The following KCNH8 variants were observed in gnomAD, a reference collection of about 807,000 sequenced individuals.
KCNH8 encodes the protein voltage-gated delayed rectifier potassium channel KCNH8.
A neutral mutation model predicts 103.6 loss-of-function variants in KCNH8; 70 were observed. The observed-to-expected ratio is 0.68, with a 90% confidence interval of 0.56 to 0.82. The LOEUF is 0.82. KCNH8 is among the 40% of genes least tolerant of loss of function. The pLI is 0.00. For missense variants in KCNH8, 1,217 were observed against 1,329.9 expected (o/e 0.92, Z 1.32); for synonymous variants, 498 against 489.4 (o/e 1.02, Z -0.23).
At chr3:19,416,875 C>A (rs2066871822) in intron 7 of KCNH8, among the ~76,000 whole-genome samples, 1 of 152,094 alleles carries the variant, frequency 6.6e-6, no homozygotes, top group South Asian at 2.1e-4. Flanking sequence ...TTCCCATAAG[C>A]TGGTAGGTAA....
At chr3:19,229,995 C>T (rs549817381) in intron 1 of KCNH8, among the ~76,000 whole-genome samples, 4 of 151,290 alleles carry the variant, frequency 2.6e-5, no homozygotes, top group South Asian at 4.1e-4. Flanking sequence ...AACAGTTCCA[C>T]GTAGCTGGGG....
intron 7 of KCNH8, among the ~76,000 whole-genome samples, chr3:19,397,331 C>G (rs2066535099): frequency 6.6e-6 from 1 of 151,724 alleles, no homozygotes; most frequent in South Asian, 2.1e-4. Context: ...GGTTCCATTG[C>G]TAATCAGCTG....
intron 11 of KCNH8, among the ~76,000 whole-genome samples, chr3:19,491,586 C>T (rs989795288): frequency 2.0e-5 from 3 of 152,268 alleles, no homozygotes; most frequent in South Asian, 2.1e-4. Flanking sequence ...ATCCAATCCA[C>T]CACTGACGGT....
chr3:19,212,447 C>T (rs895124674), intron 1 of KCNH8, among the ~76,000 whole-genome samples: 1 of 152,202 alleles, frequency 6.6e-6, no homozygotes, highest in South Asian at 2.1e-4. Flanking sequence ...CTTTGGCCTT[C>T]ACACAGCCAG....
At chr3:19,419,956 C>A (rs1207858460) in intron 7 of KCNH8, among the ~76,000 whole-genome samples, 2 of 152,066 alleles carry the variant, frequency 1.3e-5, no homozygotes, top group African/African-American at 2.4e-5. Flanking sequence ...TGTGTTTAGT[C>A]TCATAGGATA....
chr3:19,170,738 A>G (rs2063337469), intron 1 of KCNH8, among the ~76,000 whole-genome samples: 1 of 144,422 alleles, frequency 6.9e-6, no homozygotes, highest in South Asian at 2.1e-4. Context: ...ACACACACAT[A>G]TATATACACA....
intron 11 of KCNH8, among the ~76,000 whole-genome samples, chr3:19,489,470 G>A (rs967640403): frequency 1.3e-5 from 2 of 152,100 alleles, no homozygotes; most frequent in Admixed American, 1.3e-4. Context: ...TGATCTGGGT[G>A]CCCTGGCTTA....
At chr3:19,268,905 T>A (rs2064550670) in intron 2 of KCNH8, among the ~76,000 whole-genome samples, 1 of 152,114 alleles carries the variant, frequency 6.6e-6, no homozygotes, top group Admixed American at 6.6e-5. Context: ...GCTGCTAGAA[T>A]TGACAAGATT....
intron 3 of KCNH8, among the ~76,000 whole-genome samples, chr3:19,333,723 C>A (rs1334795430): frequency 6.6e-6 from 1 of 152,102 alleles, no homozygotes; most frequent in Non-Finnish European, 1.5e-5. Context: ...AAATTGTAAA[C>A]TTAAGAATGT....
intron 3 of KCNH8, among the ~76,000 whole-genome samples, chr3:19,284,110 A>G (rs2064795068): frequency 6.6e-6 from 1 of 152,114 alleles, no homozygotes; most frequent in Admixed American, 6.6e-5. Context: ...TTAAAATGTC[A>G]CCATGTAACT....
chr3:19,396,826 T>G (rs1321653521), intron 7 of KCNH8, among the ~76,000 whole-genome samples: 4 of 152,038 alleles, frequency 2.6e-5, no homozygotes, highest in Non-Finnish European at 4.4e-5. Flanking sequence ...GTTCAGTAAA[T>G]TACAGCATTA....
At chr3:19,170,712 A>T (rs971247748) in intron 1 of KCNH8, among the ~76,000 whole-genome samples, 1 of 137,996 alleles carries the variant, frequency 7.2e-6, no homozygotes, top group Non-Finnish European at 1.7e-5. Flanking sequence ...ATACACATAT[A>T]TACACACACA....
At chr3:19,334,134 T>C (rs1212774139) in intron 3 of KCNH8, among the ~76,000 whole-genome samples, 3 of 151,412 alleles carry the variant, frequency 2.0e-5, no homozygotes, top group Non-Finnish European at 2.9e-5. Context: ...TGGACCGTCA[T>C]TGAATGCAGG....
intron 1 of KCNH8, among the ~76,000 whole-genome samples, chr3:19,151,938 A>T (rs1027404714): frequency 2.6e-5 from 4 of 152,130 alleles, no homozygotes; most frequent in Non-Finnish European, 5.9e-5. Context: ...AAGTGTAGTA[A>T]GACTTAGAAA....
intron 15 of KCNH8, among the ~76,000 whole-genome samples, chr3:19,521,368 T>A (rs1575170793): frequency 6.6e-6 from 1 of 152,010 alleles, no homozygotes; most frequent in East Asian, 1.9e-4. Flanking sequence ...TTGTCCTCTA[T>A]TAAATGATAA....
At chr3:19,341,551 A>T (rs1323280176) in intron 3 of KCNH8, among the ~76,000 whole-genome samples, 4 of 152,160 alleles carry the variant, frequency 2.6e-5, no homozygotes, top group African/African-American at 9.7e-5. Flanking sequence ...AATTGGGAAC[A>T]TTTTTGGTGG....
intron 11 of KCNH8, among the ~76,000 whole-genome samples, chr3:19,480,272 A>G (rs772141243): frequency 6.6e-6 from 1 of 152,170 alleles, no homozygotes; most frequent in Non-Finnish European, 1.5e-5. Flanking sequence ...CTCTTGAAAG[A>G]AGCTTGAGAG....
At chr3:19,207,204 A>G (rs78206521) in intron 1 of KCNH8, among the ~76,000 whole-genome samples, 14,264 of 151,934 alleles carry the variant, frequency 0.094, 2,238 homozygotes, top group African/African-American at 0.32. Flanking sequence ...ATAATGAAGC[A>G]TCAGGGGTAA....
rs114021755 is a variant in KCNH8, at chr3:19,369,816, C to T, written c.812-20665C>T. ...CTCGAAACCCTGTATGCTCCACCTC[C>T]TAACCACCTATTTTTGCACTCTCCC... On this transcript the variant is annotated intron_variant, in intron 5 of 15. Transcript: ENST00000328405. Among the ~76,000 whole-genome samples, 1,097 of 152,098 alleles carry T rather than the reference C, an allele frequency of 7.2e-3. 8 individuals are homozygous for T. The highest frequency in any genetic ancestry group is 0.017 in the Middle Eastern group (5 of 294).
Sources: gnomAD v4.1 joint callset for allele counts (sites outside exome capture counted in the v4.1 genomes callset) on GRCh38, gnomAD v4.1.1 for gene constraint, MANE v1.5 for transcripts, NCBI Gene and HGNC (gene_info 2026-07-23, HGNC 2026-07-21) for gene names.